CDKL4: variants seen among roughly 807,000 people sequenced by gnomAD.
The protein encoded by CDKL4 is cyclin dependent kinase like 4.
Under a neutral mutation model 42.0 loss-of-function variants are expected in CDKL4, and 44 were observed. The observed-to-expected ratio is 1.05, with a 90% CI of 0.82 to 1.35. CDKL4 has a LOEUF of 1.35. Ranked by LOEUF, CDKL4 falls within the 40% of genes most tolerant of loss-of-function variation. CDKL4 has a pLI of 0.00. For missense variants in CDKL4, 393 were observed against 369.9 expected (o/e 1.06, Z -0.51); for synonymous variants, 120 against 121.6 (o/e 0.99, Z 0.09).
chr2:39,189,487 A>G (rs566762375), intron 6 of CDKL4, among the ~76,000 whole-genome samples: 1 of 152,344 alleles, frequency 6.6e-6, no homozygotes, highest in African/African-American at 2.4e-5. Context: ...TATGAAAGTA[A>G]TTTGTAAATT....
At chr2:39,213,442 T>C in exon 4 of CDKL4, 1 of 1,611,594 alleles carries the variant, frequency 6.2e-7, no homozygotes, top group Non-Finnish European at 8.5e-7. Context: ...GTGTTTGCCA[T>C]AATACGCTTT....
At chr2:39,240,507 G>A (rs929759410) in intron 1 of CDKL4, among the ~76,000 whole-genome samples, 41 of 150,938 alleles carry the variant, frequency 2.7e-4, no homozygotes, top group African/African-American at 1.0e-3. Context: ...ATCTAACAAT[G>A]ACATGTAAGC....
At position 39,222,097 on chromosome 2, in the gene CDKL4, A is replaced by C. The variant is rs1203829855; in HGVS notation, c.290+3742T>G. 3.3e-5 allele frequency among the ~76,000 whole-genome samples: 5 copies of C among 152,214 alleles called. 1 individual carries two copies. The highest frequency in any genetic ancestry group is 1.2e-4 in the African/African-American group (5 of 41,452). On this transcript the variant is annotated intron_variant, in intron 3 of 9. Transcript: ENST00000451199. ...TAGGCATAAGGAAGCCATTAAGATC[A>C]ATGAGACATGAAGTATGCCCTCAAA... is the stretch of plus-strand genomic sequence containing the variant.
intron 3 of CDKL4, among the ~76,000 whole-genome samples, chr2:39,223,651 T>C (rs1678516283): frequency 6.7e-6 from 1 of 149,850 alleles, no homozygotes; most frequent in African/African-American, 2.5e-5. Flanking sequence ...CTCACTCTGT[T>C]ACCCAGGTTA....
rs575226699 is a variant in CDKL4, at chr2:39,207,648, T to C, written c.364-3031A>G. Reference sequence around the variant, plus strand: ...ACATATGTTTTCTGCATCTAATCCATGTGAAATTTATAGCACTTATTTTTC... The same window carrying C: ...ACATATGTTTTCTGCATCTAATCCACGTGAAATTTATAGCACTTATTTTTC... On this transcript the variant is annotated intron_variant, in intron 4 of 9. Transcript: ENST00000451199. 4.6e-5 allele frequency among the ~76,000 whole-genome samples: 7 copies of C among 152,346 alleles called. No individual in the cohort carries two copies. The East Asian group carries it at 7.7e-4, about 17-fold the overall frequency.
intron 1 of CDKL4, among the ~76,000 whole-genome samples, chr2:39,234,602 T>C (rs1228349601): frequency 6.6e-6 from 1 of 152,132 alleles, no homozygotes; most frequent in African/African-American, 2.4e-5. Context: ...ATTATATCTA[T>C]TGAAAAGGCC....
chr2:39,245,099 C>A (rs563467409), upstream of CDKL4, among the ~76,000 whole-genome samples: 1 of 152,180 alleles, frequency 6.6e-6, no homozygotes, highest in Non-Finnish European at 1.5e-5. Flanking sequence ...GCTGCACGAG[C>A]GAGCAGTGGC....
chr2:39,243,725 C>T (rs1679778319), intron 1 of CDKL4, among the ~76,000 whole-genome samples, 146 bp downstream of exon 1: 1 of 152,242 alleles, frequency 6.6e-6, no homozygotes, highest in Non-Finnish European at 1.5e-5. Context: ...CCAGGGGCCA[C>T]CGAAGCGGAA....
At chr2:39,220,317 C>G (rs921157761) in intron 3 of CDKL4, among the ~76,000 whole-genome samples, 1 of 152,080 alleles carries the variant, frequency 6.6e-6, no homozygotes, top group African/African-American at 2.4e-5. Context: ...TGGGGATGCC[C>G]GCTCTCTTCA....
the CDKL4 span, among the ~76,000 whole-genome samples, chr2:39,168,589 G>C: frequency 6.6e-6 from 1 of 151,712 alleles, no homozygotes; most frequent in Non-Finnish European, 1.5e-5. Context: ...TACAAAATTA[G>C]CTGGGTGTGG....
At chr2:39,195,400 C>T (rs1163915442) in intron 5 of CDKL4, among the ~76,000 whole-genome samples, 1 of 152,148 alleles carries the variant, frequency 6.6e-6, no homozygotes, top group African/African-American at 2.4e-5. Context: ...ACAGCAGTTG[C>T]ACCATTGTAC....
chr2:39,242,095 G>T (rs1679692040), intron 1 of CDKL4, among the ~76,000 whole-genome samples: 1 of 151,288 alleles, frequency 6.6e-6, no homozygotes, highest in Non-Finnish European at 1.5e-5. Flanking sequence ...ACTCAGGCTG[G>T]AGTGCAGTGG....
In CDKL4 at chr2:39,219,583, G is replaced by A. The variant is rs113128334; in HGVS notation, c.291-6111C>T. ...CTACAGGTGCCTGCCACCACACCTG[G>A]CTAATTTTTTGTATTTTAGTAGAAA... On this transcript the variant is annotated intron_variant, in intron 3 of 9. Coordinates refer to ENST00000451199, the Ensembl canonical transcript of CDKL4. Among the ~76,000 whole-genome samples, 877 of 152,108 alleles carry A rather than the reference G, an allele frequency of 5.8e-3. 8 individuals carry two copies. The highest frequency in any genetic ancestry group is 0.02 in the African/African-American group (844 of 41,492).
chr2:39,200,853 G>C (rs1676800073), intron 5 of CDKL4, among the ~76,000 whole-genome samples: 1 of 152,132 alleles, frequency 6.6e-6, no homozygotes, highest in African/African-American at 2.4e-5. Context: ...ATGGATCAAA[G>C]ACTTCAATCT....
intron 3 of CDKL4, 25 bp from the exon 4 acceptor site, chr2:39,213,497 A>G: frequency 6.6e-7 from 1 of 1,521,578 alleles, no homozygotes; most frequent in Non-Finnish European, 9.1e-7. Flanking sequence ...AAAAAAGGAA[A>G]TGAAAACTCA....
intron 2 of CDKL4, among the ~76,000 whole-genome samples, chr2:39,226,202 A>T (rs1405074176): frequency 6.6e-6 from 1 of 151,882 alleles, no homozygotes; most frequent in African/African-American, 2.4e-5. Context: ...TACAAGTCAT[A>T]AAATAACCTG....
At chr2:39,168,219 C>T in the CDKL4 span, among the ~76,000 whole-genome samples, 8 of 152,058 alleles carry the variant, frequency 5.3e-5, no homozygotes, top group African/African-American at 1.7e-4. Context: ...CATATAGCTA[C>T]GACTTCAAGT....
At chr2:39,229,904 G>C (rs1001806811) in intron 1 of CDKL4, among the ~76,000 whole-genome samples, 1 of 152,188 alleles carries the variant, frequency 6.6e-6, no homozygotes, top group Non-Finnish European at 1.5e-5. Context: ...ATATGATGCT[G>C]TAAAATCCAG....
At chr2:39,186,758 A>G (rs887292982) in intron 7 of CDKL4, among the ~76,000 whole-genome samples, 1 of 151,868 alleles carries the variant, frequency 6.6e-6, no homozygotes, top group African/African-American at 2.4e-5. Flanking sequence ...TTTTTTTTTC[A>G]AAATAAAGAA....
Sources: allele counts gnomAD v4.1 joint callset (sites outside exome capture counted in the v4.1 genomes callset), GRCh38; gene constraint gnomAD v4.1.1; transcripts MANE v1.5; gene names NCBI Gene and HGNC (gene_info 2026-07-23, HGNC 2026-07-21).